Variants in ISM2 observed in about 807,000 individuals in gnomAD.
The protein encoded by ISM2 is isthmin-2.
Under a neutral mutation model 58.0 loss-of-function variants are expected in ISM2, and 50 were observed. The ratio of observed to expected loss-of-function variants is 0.86; its 90% CI spans 0.69 to 1.09. The LOEUF is 1.09. Among genes scored for constraint, ISM2 ranks in the 50% least tolerant of loss-of-function variants. The probability of loss-of-function intolerance (pLI) is 0.00; values close to 1 mark genes in which losing one functional copy is unlikely to be tolerated. For synonymous variants in ISM2, 303 were observed against 312.4 expected, an observed-to-expected ratio of 0.97 and a Z score of 0.32; for missense variants, 723 against 745.0, an observed-to-expected ratio of 0.97 and a Z score of 0.34.
At chr14:77,493,898 A>C (rs1376123649) in intron 1 of ISM2, among the ~76,000 whole-genome samples, 3 of 151,792 alleles carry the variant, frequency 2.0e-5, no homozygotes, top group African/African-American at 4.8e-5. Context: ...CAGCCTCCCG[A>C]GTAGCTGGGA....
At chr14:77,487,250 A>AATAAATAAATAC (rs1452034130) in intron 1 of ISM2, among the ~76,000 whole-genome samples, 99 of 141,158 alleles carry the variant, frequency 7.0e-4, no homozygotes, top group African/African-American at 2.5e-3. Flanking sequence ...ATCTTAAATA[A>AATAAATAAATAC]ATAAATAAAT....
chr14:77,476,556 G>A (rs1182842254), intron 6 of ISM2, among the ~76,000 whole-genome samples: 1 of 152,180 alleles, frequency 6.6e-6, no homozygotes, highest in East Asian at 1.9e-4. Context: ...CCTTTCTCAG[G>A]CAATCTGGCC....
In ISM2 at chr14:77,489,932, T is replaced by C. The variant is rs535418824; in HGVS notation, c.142-5013A>G. ...AGGCTGGAGTGCAGTGGCACGATCT[T>C]GGCTCACTGCAAGCTAAGCCTCCCG... On this transcript the variant is annotated intron_variant, in intron 1 of 6. Coordinates refer to ENST00000342219, the MANE Select transcript of ISM2 (RefSeq NM_199296.3). 5.3e-5 allele frequency among the ~76,000 whole-genome samples: 8 copies of C among 152,216 alleles called. No homozygotes were observed. The South Asian group carries it at 6.2e-4, about 12-fold the overall frequency.
At chr14:77,488,039 T>C (rs572838500) in intron 1 of ISM2, among the ~76,000 whole-genome samples, 1 of 152,308 alleles carries the variant, frequency 6.6e-6, no homozygotes, top group South Asian at 2.1e-4. Context: ...GCCCAGCCCA[T>C]AGCCAACCTC....
At chr14:77,477,721 G>A (rs1309556320) in intron 6 of ISM2, among the ~76,000 whole-genome samples, 1 of 152,164 alleles carries the variant, frequency 6.6e-6, no homozygotes, top group Non-Finnish European at 1.5e-5. Flanking sequence ...TGTGCTGAGT[G>A]CAACCCTTAT....
chr14:77,480,682 C>T (rs1411209921), intron 4 of ISM2, among the ~76,000 whole-genome samples: 10 of 141,806 alleles, frequency 7.1e-5, no homozygotes, highest in African/African-American at 2.3e-4. Context: ...TTCAGCCTCC[C>T]GAGTAGCTGG....
chr14:77,497,014 A>T (rs959353620), intron 1 of ISM2, among the ~76,000 whole-genome samples: 5 of 150,932 alleles, frequency 3.3e-5, no homozygotes, highest in African/African-American at 1.2e-4. Flanking sequence ...TCTCTCACTC[A>T]CTCACTCACA....
intron 1 of ISM2, among the ~76,000 whole-genome samples, chr14:77,489,177 C>G (rs558445984): frequency 3.3e-5 from 5 of 152,194 alleles, no homozygotes; most frequent in Non-Finnish European, 7.3e-5. Context: ...CCTGTTTCAG[C>G]CCCTTCACAG....
In ISM2 at chr14:77,482,322, C is replaced by T. The variant is rs749516021; in HGVS notation, c.973G>A (p.Asp325Asn). The part of the protein sequence containing the change: ...DWVFKDSVSY[D>N]YEPQKEWSPW... ...GGGATGCCAAGATGGGGGTGCTCAC[C>T]GTAGCTGACAGAATCCTTGAAGACC... Residue 325 changes from aspartate (D) to asparagine (N), a missense_variant and splice_region_variant, in exon 4 of 7, where the codon GAC becomes AAC. Coordinates refer to ENST00000342219, the MANE Select transcript of ISM2 (RefSeq NM_199296.3). The T allele has an allele frequency of 1.1e-5, 18 of 1,609,764 alleles. No individual in the cohort carries two copies. Among genetic ancestry groups the T allele is most frequent in the Middle Eastern group, 1.7e-4 (1 of 6,048 alleles).
Position 77,483,656 on chromosome 14 carries a change from GTGTC to G in ISM2, c.627+663_627+666del, listed in dbSNP as rs558686550. ...TGTGCGTGTGTGCGTGTGTGTGTGT[GTGTC>G]TGTGTGTGTGTGTGTAGGTAAGTAG... On this transcript the variant is annotated intron_variant, in intron 3 of 6. Coordinates refer to ENST00000342219, the MANE Select transcript of ISM2 (RefSeq NM_199296.3). Among the ~76,000 whole-genome samples the G allele has an allele frequency of 1.3e-4, 20 of 152,118 alleles. No homozygotes were observed. The South Asian group carries it at 3.5e-3, about 27-fold the overall frequency.
intron 1 of ISM2, among the ~76,000 whole-genome samples, chr14:77,485,609 T>C (rs1256037196): frequency 1.3e-5 from 2 of 152,274 alleles, no homozygotes; most frequent in Non-Finnish European, 1.5e-5. Flanking sequence ...CTCTGACTCC[T>C]GTTCAGCATT....
intron 1 of ISM2, among the ~76,000 whole-genome samples, chr14:77,493,162 A>G (rs1380738840): frequency 6.6e-6 from 1 of 152,136 alleles, no homozygotes; most frequent in African/African-American, 2.4e-5. Context: ...AGCTTGGCTA[A>G]TTTTTGTATT....
At position 77,482,636 on chromosome 14, in the gene ISM2, G is replaced by A; in HGVS notation, c.659C>T (p.Ala220Val). 1 of 1,567,584 alleles carries A rather than the reference G, an allele frequency of 6.4e-7. No individual in the cohort carries two copies. The highest frequency in any genetic ancestry group is 8.6e-7 in the Non-Finnish European group (1 of 1,158,988). ...VTIKVVEDPQAEVSIDLLAEP... is the reference protein window; with the variant it reads ...VTIKVVEDPQVEVSIDLLAEP... ...AGCCAACAGGTCTATCGACACCTCG[G>A]CCTGGGGGTCCTCCACCACCTTGAT... The change falls in exon 4 of 7, where the codon GCC becomes GTC. Residue 220 changes from alanine to valine, a missense_variant. Transcript: ENST00000342219.
intron 4 of ISM2, among the ~76,000 whole-genome samples, chr14:77,480,546 TC>T (rs1393967165): frequency 2.4e-4 from 30 of 123,600 alleles, no homozygotes; most frequent in African/African-American, 8.8e-4. Context: ...GGAAATTTTT[TC>T]CTTTTTTTTT....
Position 77,475,961 on chromosome 14 carries a change from G to A in ISM2, c.1350C>T (p.Gly450=). The A allele has an allele frequency of 6.3e-7, 1 of 1,597,940 alleles. No individual in the cohort carries two copies. The highest frequency in any genetic ancestry group is 8.5e-7 in the Non-Finnish European group (1 of 1,178,900). The part of the protein sequence containing the change: ...SPVSLQDEHQ[G]RSFRWRDASG... ...TGGCATCCCTCCACCGGAAGCTGCGGCCCTGGTGCTCGTCCTGTAGGCTCA... is the reference window on the plus strand; with the variant it reads ...TGGCATCCCTCCACCGGAAGCTGCGACCCTGGTGCTCGTCCTGTAGGCTCA... Residue 450 remains glycine (G), a synonymous_variant, in exon 7 of 7, where the codon GGC becomes GGT. Coordinates refer to ENST00000342219, the MANE Select transcript of ISM2 (RefSeq NM_199296.3). The surrounding 1 kb of genome is among the most constrained non-coding windows in gnomAD (Gnocchi z 4.1).
At chr14:77,494,407 T>A (rs928751139) in intron 1 of ISM2, among the ~76,000 whole-genome samples, 1 of 152,120 alleles carries the variant, frequency 6.6e-6, no homozygotes, top group African/African-American at 2.4e-5. Flanking sequence ...CAATTTTTTT[T>A]AATTTTTGAG....
chr14:77,480,117 G>A (rs533962577), intron 4 of ISM2, among the ~76,000 whole-genome samples: 3 of 152,104 alleles, frequency 2.0e-5, no homozygotes, highest in African/African-American at 7.2e-5. Flanking sequence ...TCAGGAGTTC[G>A]AGACCAGCCT....
At chr14:77,485,133 TCAGA>T (rs1452042498) in intron 1 of ISM2, among the ~76,000 whole-genome samples, 1 of 152,176 alleles carries the variant, frequency 6.6e-6, no homozygotes, top group Non-Finnish European at 1.5e-5. Flanking sequence ...GTGTAGCTGG[TCAGA>T]CAGTGGACTG....
chr14:77,476,074 C>A lies in ISM2; in HGVS notation c.1237G>T (p.Asp413Tyr). The A allele has an allele frequency of 6.5e-7, 1 of 1,528,312 alleles. No individual in the cohort carries two copies. The highest frequency in any genetic ancestry group is 1.3e-5 in the South Asian group (1 of 79,788). The allele number at this position is 1,528,312 out of a possible 1,614,324, so 94.7% of individuals were successfully genotyped here. Residue 413 changes from aspartate (D) to tyrosine (Y), a missense_variant, in exon 7 of 7, where the codon GAC becomes TAC. Coordinates refer to ENST00000342219, the MANE Select transcript of ISM2 (RefSeq NM_199296.3). Reference sequence around the variant, plus strand: ...TGGCTCAGATACTTGATTAGGAAGTCGCTCTTGCAGTTCAGCCACTTCTCA... The same window carrying A: ...TGGCTCAGATACTTGATTAGGAAGTAGCTCTTGCAGTTCAGCCACTTCTCA... ...SCEKWLNCKS[D>Y]FLIKYLSQML...
Sources: gnomAD v4.1 joint callset for allele counts (sites outside exome capture counted in the v4.1 genomes callset) on GRCh38, gnomAD v4.1.1 for gene constraint, Gnocchi (gnomAD v3.1) non-coding constraint, MANE v1.5 for transcripts, NCBI Gene and HGNC (gene_info 2026-07-23, HGNC 2026-07-21) for gene names.